The following PTPRD variants were observed in gnomAD, a reference collection of about 807,000 sequenced individuals.
PTPRD encodes protein tyrosine phosphatase receptor type D.
PTPRD carries 34 observed loss-of-function variants against 214.5 expected under a neutral mutation model. The observed-to-expected ratio is 0.16, with a 90% CI of 0.12 to 0.21. The LOEUF (loss-of-function observed/expected upper bound fraction) is 0.21. PTPRD is among the 10% of genes least tolerant of loss of function. PTPRD has a pLI of 1.00. For missense variants in PTPRD, 2,545 were observed against 2,398.7 expected (o/e 1.06, Z -1.27); for synonymous variants, 1,128 against 845.7 (o/e 1.33, Z -5.79).
intron 43 of PTPRD, 107 bp from the exon 44 acceptor site, chr9:8,331,843 G>A: frequency 7.4e-7 from 1 of 1,350,576 alleles, no homozygotes; most frequent in South Asian, 1.6e-5. Flanking sequence ...AAACAAAAAG[G>A]GTAGAAAAAG....
intron 5 of PTPRD, among the ~76,000 whole-genome samples, chr9:9,778,278 T>A (rs534674477): frequency 6.6e-6 from 1 of 152,146 alleles, no homozygotes; most frequent in Non-Finnish European, 1.5e-5. Flanking sequence ...GTGCAGGAAC[T>A]AAGGGATAAC....
At chr9:10,205,292 A>C (rs1449477003) in intron 3 of PTPRD, among the ~76,000 whole-genome samples, 1 of 151,996 alleles carries the variant, frequency 6.6e-6, no homozygotes, top group African/African-American at 2.4e-5. Context: ...ATGAACAGAA[A>C]ATTTGAAAAG....
At chr9:9,412,798 A>G (rs2075868346) in intron 8 of PTPRD, among the ~76,000 whole-genome samples, 1 of 152,164 alleles carries the variant, frequency 6.6e-6, no homozygotes, top group African/African-American at 2.4e-5. Flanking sequence ...TTGATAAGAC[A>G]GTCTAATAAA....
At chr9:10,189,149 C>G (rs1001944559) in intron 3 of PTPRD, among the ~76,000 whole-genome samples, 1 of 152,126 alleles carries the variant, frequency 6.6e-6, no homozygotes, top group Non-Finnish European at 1.5e-5. Context: ...TGAATAAATG[C>G]TTTGGACTGG....
At chr9:8,460,720 G>A (rs926650455) in intron 32 of PTPRD, 149 bp from the exon 33 acceptor site, 34 of 643,674 alleles carry the variant, frequency 5.3e-5, no homozygotes, top group South Asian at 2.3e-4. Flanking sequence ...GGAGGGGAGA[G>A]GAGAATAAAG....
Position 9,246,412 on chromosome 9 carries a change from C to A in PTPRD, c.-202-63049G>T, listed in dbSNP as rs140160958. Among the ~76,000 whole-genome samples the A allele has an allele frequency of 8.0e-3, 1,210 of 152,160 alleles. 8 individuals carry two copies. Among genetic ancestry groups the A allele is most frequent in the Middle Eastern group, 0.017 (5 of 294 alleles). On this transcript the variant is annotated intron_variant, in intron 9 of 45. Coordinates refer to ENST00000381196, the MANE Select transcript of PTPRD (RefSeq NM_002839.4). ...AGCTTATACATACACAAACTTTGTG[C>A]CTATTCCTGTATGGGCTGCTTAGAA...
intron 8 of PTPRD, among the ~76,000 whole-genome samples, chr9:9,409,529 T>A (rs768176075): frequency 3.3e-5 from 5 of 151,810 alleles, no homozygotes; most frequent in Admixed American, 6.6e-5. Flanking sequence ...AGAAGTAAAT[T>A]CAAAAAACAA....
At chr9:8,624,957 A>C (rs2095968942) in intron 14 of PTPRD, among the ~76,000 whole-genome samples, 1 of 151,808 alleles carries the variant, frequency 6.6e-6, no homozygotes, top group African/African-American at 2.4e-5. Context: ...ATGGTCTCTT[A>C]ATGCATTGTA....
chr9:9,866,182 G>A (rs1013559729), intron 5 of PTPRD, among the ~76,000 whole-genome samples: 1 of 151,968 alleles, frequency 6.6e-6, no homozygotes, highest in African/African-American at 2.4e-5. Context: ...TTATTCCCTA[G>A]ACTGTTTTTA....
At chr9:8,560,585 G>A (rs543558806) in intron 14 of PTPRD, among the ~76,000 whole-genome samples, 17 of 152,160 alleles carry the variant, frequency 1.1e-4, no homozygotes, top group African/African-American at 4.1e-4. Flanking sequence ...ACCCTGCAGA[G>A]GAGCTGAACA....
At chr9:8,718,562 G>A (rs867415730) in intron 12 of PTPRD, among the ~76,000 whole-genome samples, 2 of 152,140 alleles carry the variant, frequency 1.3e-5, no homozygotes, top group Admixed American at 1.3e-4. Flanking sequence ...TCCCCTGAGA[G>A]TTTACACCAT....
intron 8 of PTPRD, among the ~76,000 whole-genome samples, chr9:9,429,377 A>G (rs1175633141): frequency 6.6e-6 from 1 of 152,210 alleles, no homozygotes; most frequent in Non-Finnish European, 1.5e-5. Flanking sequence ...TGAATAGACC[A>G]ATAGCAGGCT....
At chr9:10,526,568 C>A (rs1241112883) in intron 2 of PTPRD, among the ~76,000 whole-genome samples, 1 of 151,964 alleles carries the variant, frequency 6.6e-6, no homozygotes, top group Non-Finnish European at 1.5e-5. Context: ...GTTCTCACAC[C>A]AGAAATCTCT....
chr9:10,337,213 C>T (rs533572490), intron 3 of PTPRD, among the ~76,000 whole-genome samples: 2 of 151,738 alleles, frequency 1.3e-5, no homozygotes, highest in South Asian at 2.1e-4. Flanking sequence ...CTTTTGCAAA[C>T]ACCATTTATG....
chr9:10,554,149 T>G (rs753201183), intron 2 of PTPRD, among the ~76,000 whole-genome samples: 2 of 152,218 alleles, frequency 1.3e-5, no homozygotes, highest in Non-Finnish European at 2.9e-5. Flanking sequence ...TTTTAGTGTA[T>G]AACTCAACCC....
chr9:9,616,646 C>T (rs10491608), intron 7 of PTPRD, among the ~76,000 whole-genome samples: 34,967 of 151,840 alleles, frequency 0.23, 5,088 homozygotes, highest in Non-Finnish European at 0.33. Flanking sequence ...GGCTAAAACA[C>T]GGCTATATGA....
At chr9:10,467,149 T>C (rs1365086591) in intron 2 of PTPRD, among the ~76,000 whole-genome samples, 1 of 152,182 alleles carries the variant, frequency 6.6e-6, no homozygotes, top group African/African-American at 2.4e-5. Context: ...AGTCTATCAA[T>C]GTTAACAGAG....
At chr9:9,909,324 T>TC (rs2078506458) in intron 5 of PTPRD, among the ~76,000 whole-genome samples, 1 of 151,720 alleles carries the variant, frequency 6.6e-6, no homozygotes, top group Middle Eastern at 3.2e-3. Context: ...AAAGTTTTTT[T>TC]TTTTTTTTTA....
chr9:9,595,337 A>G (rs948972552), intron 7 of PTPRD, among the ~76,000 whole-genome samples: 4 of 80,738 alleles, frequency 5.0e-5, no homozygotes, highest in Non-Finnish European at 1.6e-4. Context: ...TATATAATAT[A>G]TATTGTATAT....
Sources: gnomAD v4.1 joint callset for allele counts (sites outside exome capture counted in the v4.1 genomes callset) on GRCh38, gnomAD v4.1.1 for gene constraint, MANE v1.5 for transcripts, NCBI Gene and HGNC (gene_info 2026-07-23, HGNC 2026-07-21) for gene names.